Variants in NBEA observed in about 807,000 individuals in gnomAD.
NBEA encodes lysosomal-trafficking regulator 2.
NBEA carries 44 observed loss-of-function variants against 343.4 expected under a neutral mutation model. The ratio of observed to expected loss-of-function variants is 0.13; its 90% confidence interval spans 0.10 to 0.16. NBEA has a LOEUF of 0.16. NBEA is among the 10% of genes least tolerant of loss of function. NBEA has a pLI of 1.00. For synonymous variants in NBEA, 1,175 were observed against 1,238.7 expected, an observed-to-expected ratio of 0.95 and a Z score of 1.08; for missense variants, 2,555 against 3,631.3, an observed-to-expected ratio of 0.70 and a Z score of 7.62.
chr13:35,508,965 A>G (rs936676499), intron 41 of NBEA, among the ~76,000 whole-genome samples: 1 of 152,184 alleles, frequency 6.6e-6, no homozygotes, highest in African/African-American at 2.4e-5. Context: ...AAGGAAGGGG[A>G]GCTGGACATG....
At chr13:35,082,828 A>C (rs928662505) in intron 10 of NBEA, among the ~76,000 whole-genome samples, 1 of 152,200 alleles carries the variant, frequency 6.6e-6, no homozygotes, top group South Asian at 2.1e-4. Flanking sequence ...GCCCTTTGTC[A>C]GATGAGTAGA....
chr13:35,469,518 C>T (rs1347558017), intron 40 of NBEA, among the ~76,000 whole-genome samples: 1 of 152,042 alleles, frequency 6.6e-6, no homozygotes, highest in African/African-American at 2.4e-5. Flanking sequence ...TTATATTTTC[C>T]TTTTAATTAC....
chr13:34,989,854 C>A (rs2060688380), intron 1 of NBEA, among the ~76,000 whole-genome samples: 1 of 151,054 alleles, frequency 6.6e-6, no homozygotes, highest in Non-Finnish European at 1.5e-5. Flanking sequence ...CTCCAAGATA[C>A]AATGGGGCTA....
At chr13:35,171,062 C>G (rs1256467130) in intron 25 of NBEA, 4 of 687,670 alleles carry the variant, frequency 5.8e-6, no homozygotes, top group African/African-American at 1.7e-5. Context: ...TTAAAATGGG[C>G]TTTTCCTTTA....
intron 34 of NBEA, among the ~76,000 whole-genome samples, chr13:35,244,621 T>G (rs1228074222): frequency 6.6e-6 from 1 of 152,066 alleles, no homozygotes; most frequent in Non-Finnish European, 1.5e-5. Context: ...CCATATAAAT[T>G]TGAGGATTGT....
rs775752900 is a variant in NBEA, at chr13:35,159,234, C to T, written c.3063C>T (p.Ser1021=). 1 of 1,613,528 alleles carries T rather than the reference C, an allele frequency of 6.2e-7. No individual in the cohort carries two copies. The highest frequency in any genetic ancestry group is 1.7e-5 in the Admixed American group (1 of 59,958). ...AAAGTGAGACCGATTACCCTGTCAG[C>T]ACAGATACTCGAGACTTACTCATGT... ...SPESETDYPV[S]TDTRDLLMST... is the part of the protein sequence containing the mutation. Residue 1021 remains serine, a synonymous_variant, in exon 22 of 59, where the codon AGC becomes AGT. Coordinates refer to ENST00000379939, the MANE Select transcript of NBEA (RefSeq NM_001385012.1).
intron 11 of NBEA, among the ~76,000 whole-genome samples, chr13:35,108,645 A>G (rs888454190): frequency 1.3e-5 from 2 of 152,118 alleles, no homozygotes; most frequent in African/African-American, 2.4e-5. Context: ...CAGCAGCTCA[A>G]TGGCCACATA....
chr13:35,392,610 G>C (rs1003607143), intron 38 of NBEA, among the ~76,000 whole-genome samples: 2 of 151,896 alleles, frequency 1.3e-5, no homozygotes, highest in African/African-American at 4.8e-5. Flanking sequence ...ATACAAAGTA[G>C]CTGCACCATA....
At chr13:35,189,796 G>A (rs888322809) in intron 30 of NBEA, among the ~76,000 whole-genome samples, 3 of 151,868 alleles carry the variant, frequency 2.0e-5, no homozygotes, top group African/African-American at 2.4e-5. Context: ...TAAGAACACT[G>A]GCAAAAACTG....
chr13:35,168,599 A>G (rs2070221773), intron 24 of NBEA, among the ~76,000 whole-genome samples: 1 of 151,566 alleles, frequency 6.6e-6, no homozygotes, highest in East Asian at 1.9e-4. Flanking sequence ...ATTTCTGCCT[A>G]AACCAGAATT....
intron 53 of NBEA, among the ~76,000 whole-genome samples, 163 bp from the exon 54 acceptor site, chr13:35,654,692 G>A (rs1049281103): frequency 1.1e-4 from 17 of 151,944 alleles, no homozygotes; most frequent in Admixed American, 3.9e-4. Context: ...TAATTACTGC[G>A]AAGGAAATTT....
At chr13:35,320,249 A>G (rs1316670571) in intron 36 of NBEA, among the ~76,000 whole-genome samples, 1 of 152,026 alleles carries the variant, frequency 6.6e-6, no homozygotes. Flanking sequence ...TTTCTTTTCC[A>G]TATTTACTGT....
At chr13:35,349,260 G>A in intron 37 of NBEA, 44 bp downstream of exon 37, 2 of 1,168,182 alleles carry the variant, frequency 1.7e-6, no homozygotes, top group Non-Finnish European at 1.2e-6. Context: ...TCTATTATAA[G>A]CCAAAAATCA....
At chr13:35,168,936 CT>C (rs2152720373) in intron 24 of NBEA, 50 bp from the exon 25 acceptor site, 7 of 1,255,426 alleles carry the variant, frequency 5.6e-6, no homozygotes, top group Middle Eastern at 4.0e-4. Context: ...TAATAATTTC[CT>C]TTTCTTGTAC....
chr13:35,379,215 C>T (rs1312801467), intron 38 of NBEA, among the ~76,000 whole-genome samples: 5 of 151,998 alleles, frequency 3.3e-5, no homozygotes, highest in Non-Finnish European at 1.5e-5. Context: ...TGCATTCTCT[C>T]CTATACTTTA....
Position 35,173,517 on chromosome 13 carries a change from A to T in NBEA, c.4477A>T (p.Arg1493Trp). The change falls in exon 27 of 59, where the codon AGG becomes TGG. Residue 1493 changes from arginine to tryptophan, a missense_variant. By Grantham distance (101) the Arg-to-Trp change is moderately radical. Coordinates refer to ENST00000379939, the MANE Select transcript of NBEA (RefSeq NM_001385012.1). ...AGAATGTCGGCAAAGACAGAGAGACAGGGGAAATAAATCTTCCCATGGAAG... is the reference window on the plus strand; with the variant it reads ...AGAATGTCGGCAAAGACAGAGAGACTGGGGAAATAAATCTTCCCATGGAAG... ...CLECRQRQRDRGNKSSHGSSK... is the reference protein window; with the variant it reads ...CLECRQRQRDWGNKSSHGSSK... The T allele has an allele frequency of 6.2e-7, 1 of 1,610,888 alleles. No homozygotes were observed. The highest frequency in any genetic ancestry group is 8.5e-7 in the Non-Finnish European group (1 of 1,177,980).
chr13:35,535,350 C>A (rs754945948), intron 41 of NBEA, among the ~76,000 whole-genome samples: 14 of 152,174 alleles, frequency 9.2e-5, no homozygotes, highest in Admixed American at 7.9e-4. Context: ...ACTTCAAATG[C>A]AGAAGACAGA....
At chr13:35,616,005 G>A (rs2082723545) in intron 48 of NBEA, among the ~76,000 whole-genome samples, 1 of 152,174 alleles carries the variant, frequency 6.6e-6, no homozygotes, top group Non-Finnish European at 1.5e-5. Context: ...GAGAGGAAGT[G>A]TGTCCTCCTT....
At chr13:35,340,025 G>T (rs986457755) in intron 36 of NBEA, among the ~76,000 whole-genome samples, 1 of 152,098 alleles carries the variant, frequency 6.6e-6, no homozygotes, top group Non-Finnish European at 1.5e-5. Flanking sequence ...TACATTGTTG[G>T]TGGGATTGTA....
Sources: gnomAD v4.1 joint callset for allele counts (sites outside exome capture counted in the v4.1 genomes callset) on GRCh38, gnomAD v4.1.1 for gene constraint, MANE v1.5 for transcripts, NCBI Gene and HGNC (gene_info 2026-07-23, HGNC 2026-07-21) for gene names.